Variants in FREM2 observed in about 807,000 individuals in gnomAD.
The protein encoded by FREM2 is FRAS1 related extracellular matrix 2.
Under a neutral mutation model 219.9 loss-of-function variants are expected in FREM2, and 119 were observed. The ratio of observed to expected loss-of-function variants is 0.54; its 90% CI spans 0.47 to 0.63. The LOEUF is 0.63. Ranked by LOEUF, FREM2 falls within the 30% of genes least tolerant of loss-of-function variation. The probability of loss-of-function intolerance (pLI) is 0.00; values close to 1 mark genes in which losing one functional copy is unlikely to be tolerated. For synonymous variants in FREM2, 1,562 were observed against 1,522.8 expected (o/e 1.03, Z -0.60); for missense variants, 4,030 against 3,993.6 (o/e 1.01, Z -0.25).
At chr13:38,792,811 A>T (rs1874616542) in intron 6 of FREM2, among the ~76,000 whole-genome samples, 1 of 152,100 alleles carries the variant, frequency 6.6e-6, no homozygotes, top group South Asian at 2.1e-4. Context: ...CAGTACTGTA[A>T]TGTGGGAGGC....
chr13:38,856,169 C>A lies in FREM2; in HGVS notation c.6969C>A (p.Ile2323=). 6.2e-7 allele frequency: 1 copy of A among 1,611,058 alleles called. No homozygotes were observed. The highest frequency in any genetic ancestry group is 8.5e-7 in the Non-Finnish European group (1 of 1,177,718). The change falls in exon 12 of 24, where the codon ATC becomes ATA. Residue 2323 remains isoleucine, a synonymous_variant. Transcript: ENST00000280481. ...KEGETQHVVE[I]EVTFDGVREM... Reference sequence around the variant, plus strand: ...GGGAAACCCAGCACGTGGTTGAAATCGAAGTTACCTTTGACGGGGTGAGAG... The same window carrying A: ...GGGAAACCCAGCACGTGGTTGAAATAGAAGTTACCTTTGACGGGGTGAGAG...
At chr13:38,698,570 G>C (rs1870210278) in intron 2 of FREM2, among the ~76,000 whole-genome samples, 1 of 152,066 alleles carries the variant, frequency 6.6e-6, no homozygotes, top group Admixed American at 6.6e-5. Context: ...GTTTTCTTTT[G>C]AAGCAAAAGA....
At chr13:38,802,196 G>A (rs1274139982) in intron 6 of FREM2, among the ~76,000 whole-genome samples, 1 of 152,218 alleles carries the variant, frequency 6.6e-6, no homozygotes, top group East Asian at 1.9e-4. Flanking sequence ...CCAGTGGAGT[G>A]CTCAGGTGTG....
chr13:38,728,540 G>A (rs1871625494), intron 2 of FREM2, among the ~76,000 whole-genome samples: 1 of 151,750 alleles, frequency 6.6e-6, no homozygotes, highest in Non-Finnish European at 1.5e-5. Context: ...AGAGTAGCTG[G>A]GACTATATGT....
intron 23 of FREM2, among the ~76,000 whole-genome samples, chr13:38,879,709 GAT>G: frequency 6.6e-6 from 1 of 152,330 alleles, no homozygotes; most frequent in African/African-American, 2.4e-5. Context: ...GTTGAAGTAT[GAT>G]ATGTTTTATT....
At chr13:38,812,530 TGAC>T (rs1369914331) in intron 6 of FREM2, among the ~76,000 whole-genome samples, 1 of 152,146 alleles carries the variant, frequency 6.6e-6, no homozygotes, top group East Asian at 1.9e-4. Flanking sequence ...TTTAAACTAA[TGAC>T]AACAACACTG....
In FREM2 at chr13:38,715,280, G is replaced by A. The variant is rs145517268; in HGVS notation, c.5263+17493G>A. On this transcript the variant is annotated intron_variant, in intron 2 of 23. Transcript: ENST00000280481. ...CTGTACACCAGAAATCCCACCACAT[G>A]TTTTGATCATTTAAATAGTGACGTA... is the stretch of plus-strand genomic sequence containing the variant. 4.2e-3 allele frequency among the ~76,000 whole-genome samples: 644 copies of A among 152,220 alleles called. 8 individuals are homozygous for A. The highest frequency in any genetic ancestry group is 0.015 in the African/African-American group (603 of 41,548).
In FREM2 at chr13:38,692,048, G is replaced by A. The variant is rs1869900232; in HGVS notation, c.4704G>A (p.Leu1568=). 2 of 1,614,088 alleles carry A rather than the reference G, an allele frequency of 1.2e-6. No homozygotes were observed. The highest frequency in any genetic ancestry group is 1.7e-5 in the Admixed American group (1 of 60,006). The part of the protein sequence containing the change: ...VEDRDTPDKL[L]KFTITQVPIH... Reference sequence around the variant, plus strand: ...ACAGAGATACTCCTGACAAGCTCCTGAAATTCACTATCACCCAGGTGCCTA... The same window carrying A: ...ACAGAGATACTCCTGACAAGCTCCTAAAATTCACTATCACCCAGGTGCCTA... The change falls in exon 1 of 24, where the codon CTG becomes CTA. Residue 1568 remains leucine (L), a synonymous_variant. Coordinates refer to ENST00000280481, the MANE Select transcript of FREM2 (RefSeq NM_207361.6).
At chr13:38,716,524 T>C (rs1338158745) in intron 2 of FREM2, among the ~76,000 whole-genome samples, 2 of 152,106 alleles carry the variant, frequency 1.3e-5, no homozygotes, top group African/African-American at 4.8e-5. Flanking sequence ...CCTTTTTTTT[T>C]CTTTTGGAGA....
At chr13:38,716,217 C>T (rs1743441626) in intron 2 of FREM2, among the ~76,000 whole-genome samples, 1 of 152,182 alleles carries the variant, frequency 6.6e-6, no homozygotes, top group Admixed American at 6.5e-5. Context: ...AAGACCTTTA[C>T]AGAGGTCTAC....
At chr13:38,798,037 T>C (rs887938582) in intron 6 of FREM2, among the ~76,000 whole-genome samples, 1 of 152,212 alleles carries the variant, frequency 6.6e-6, no homozygotes, top group Non-Finnish European at 1.5e-5. Context: ...AAAGCAGGCA[T>C]CCTTATCTTG....
intron 6 of FREM2, among the ~76,000 whole-genome samples, chr13:38,831,776 A>AT (rs112586863): frequency 0.74 from 105,718 of 142,304 alleles, 40,379 homozygotes; most frequent in East Asian, 0.94. Flanking sequence ...GCCAGACTGA[A>AT]TTTTTTTTTT....
In FREM2 at chr13:38,784,709, G is replaced by A. The variant is rs121434355; in HGVS notation, c.5920G>A (p.Glu1974Lys). Residue 1974 changes from glutamate (E) to lysine (K), a missense_variant, in exon 6 of 24, where the codon GAG (glutamate) becomes AAG (lysine). Transcript: ENST00000280481. ...AATTGATGACTCTTTGTACGAGGAG[G>A]AGGAAACCTTCCATGTCCTTCTGAG... Reference protein sequence around the residue: ...VIIDDSLYEEEETFHVLLSMP... With the variant: ...VIIDDSLYEEKETFHVLLSMP... The A allele has an allele frequency of 8.1e-6, 13 of 1,614,036 alleles. No homozygotes were observed. In the East Asian group the frequency reaches 2.7e-4, roughly 33 times the overall value.
At chr13:38,791,757 G>A (rs1302208281) in intron 6 of FREM2, among the ~76,000 whole-genome samples, 1 of 152,184 alleles carries the variant, frequency 6.6e-6, no homozygotes, top group Non-Finnish European at 1.5e-5. Flanking sequence ...AGATTTGCAT[G>A]GGGACACAGA....
chr13:38,796,865 G>C (rs1240024016), intron 6 of FREM2, among the ~76,000 whole-genome samples: 1 of 151,758 alleles, frequency 6.6e-6, no homozygotes, highest in African/African-American at 2.4e-5. Flanking sequence ...TGGGTTTTTT[G>C]TTTGTTTCTG....
chr13:38,847,480 T>C (rs1877207954), intron 7 of FREM2, among the ~76,000 whole-genome samples: 1 of 152,188 alleles, frequency 6.6e-6, no homozygotes, highest in Non-Finnish European at 1.5e-5. Context: ...GCTTTGCACG[T>C]AGCAGGTGCC....
intron 4 of FREM2, among the ~76,000 whole-genome samples, chr13:38,772,973 A>G (rs926535205): frequency 6.6e-6 from 1 of 152,090 alleles, no homozygotes; most frequent in Non-Finnish European, 1.5e-5. Flanking sequence ...CTGGGATTAC[A>G]GGGGTGAGCC....
chr13:38,821,593 A>T (rs1485409844), intron 6 of FREM2: 1 of 151,986 alleles, frequency 6.6e-6, no homozygotes. Flanking sequence ...TGTCTCTCTG[A>T]AACAGGCGTT....
rs953900540 is a variant in FREM2 at position 38,883,899 on chromosome 13, A to C, written c.*3112A>C. On this transcript the variant is annotated 3_prime_UTR_variant, in exon 24 of 24. Transcript: ENST00000280481. ...AGATTTATACAAAATGATTCAAACC[A>C]GTAACTTAGTAAAATTGACCTTCGC... 2 of 152,240 alleles carry C rather than the reference A, an allele frequency of 1.3e-5. No individual in the cohort carries two copies. Among genetic ancestry groups the C allele is most frequent in the Non-Finnish European group, 2.9e-5 (2 of 68,038 alleles). The allele number at this position is 152,240 out of a possible 1,614,324, so 9.4% of individuals were successfully genotyped here.
Sources: gnomAD v4.1 joint callset for allele counts (sites outside exome capture counted in the v4.1 genomes callset) on GRCh38, gnomAD v4.1.1 for gene constraint, MANE v1.5 for transcripts, NCBI Gene and HGNC (gene_info 2026-07-23, HGNC 2026-07-21) for gene names.